NELL1: variants seen among roughly 807,000 people sequenced by gnomAD.
NELL1 encodes protein kinase C-binding protein NELL1.
A neutral mutation model predicts 107.4 loss-of-function variants in NELL1; 76 were observed. The observed-to-expected ratio is 0.71, with a 90% CI of 0.59 to 0.86. NELL1 has a LOEUF of 0.86. NELL1 is among the 40% of genes least tolerant of loss of function. The pLI is 0.00. For synonymous variants in NELL1, 353 were observed against 341.2 expected (o/e 1.03, Z -0.38); for missense variants, 1,024 against 1,005.5 (o/e 1.02, Z -0.25).
At chr11:21,113,060 A>T (rs912950626) in intron 12 of NELL1, among the ~76,000 whole-genome samples, 1 of 152,012 alleles carries the variant, frequency 6.6e-6, no homozygotes, top group African/African-American at 2.4e-5. Flanking sequence ...AGGATGAGAG[A>T]CATTAATTTG....
chr11:21,149,442 T>C (rs184591674), intron 13 of NELL1, among the ~76,000 whole-genome samples: 14 of 152,326 alleles, frequency 9.2e-5, no homozygotes, highest in Admixed American at 2.6e-4. Flanking sequence ...TTTTACATGG[T>C]AGCAGGCAAG....
intron 15 of NELL1, among the ~76,000 whole-genome samples, chr11:21,374,351 G>A (rs1439053771): frequency 6.6e-6 from 1 of 152,006 alleles, no homozygotes; most frequent in Non-Finnish European, 1.5e-5. Flanking sequence ...TTCCAAGATG[G>A]CTCACTCATG....
chr11:21,214,617 A>G (rs1424377859), intron 13 of NELL1, among the ~76,000 whole-genome samples: 1 of 152,198 alleles, frequency 6.6e-6, no homozygotes, highest in Non-Finnish European at 1.5e-5. Context: ...GCCATTCTAG[A>G]AAATCATTTG....
intron 15 of NELL1, among the ~76,000 whole-genome samples, chr11:21,415,166 G>A (rs898273485): frequency 2.6e-5 from 4 of 152,214 alleles, no homozygotes; most frequent in Middle Eastern, 3.4e-3. Flanking sequence ...TCTTATCTCT[G>A]AAAGCACAAA....
At chr11:21,484,923 T>C (rs958703487) in intron 15 of NELL1, among the ~76,000 whole-genome samples, 1 of 152,054 alleles carries the variant, frequency 6.6e-6, no homozygotes, top group Non-Finnish European at 1.5e-5. Context: ...GAGAGAACAC[T>C]GGAATATAAC....
intron 11 of NELL1, among the ~76,000 whole-genome samples, chr11:20,952,784 C>G (rs1851094551): frequency 6.6e-6 from 1 of 152,172 alleles, no homozygotes; most frequent in African/African-American, 2.4e-5. Context: ...CAAAAGGAGG[C>G]ACATTTTCCC....
In NELL1 at chr11:21,186,009, A is replaced by G. The variant is rs563024235; in HGVS notation, c.1427-43323A>G. The stretch of plus-strand genomic sequence containing the variant: ...AGGAGGCTCCTAAGGGCCAGGATGC[A>G]GAAAGGAAGGAAAGATCTCATAGAA... On this transcript the variant is annotated intron_variant, in intron 13 of 19. Coordinates refer to ENST00000357134, the MANE Select transcript of NELL1 (RefSeq NM_006157.5). Among the ~76,000 whole-genome samples the G allele has an allele frequency of 2.6e-4, 40 of 151,932 alleles. 1 individual carries two copies. Among genetic ancestry groups the G allele is most frequent in the African/African-American group, 9.2e-4 (38 of 41,224 alleles).
intron 15 of NELL1, among the ~76,000 whole-genome samples, chr11:21,385,712 C>A (rs2133775174): frequency 6.6e-6 from 1 of 152,042 alleles, no homozygotes. Context: ...GCTGAAAAAA[C>A]TTAAATGGTT....
At chr11:20,735,563 G>A (rs1191842931) in intron 2 of NELL1, among the ~76,000 whole-genome samples, 2 of 152,186 alleles carry the variant, frequency 1.3e-5, no homozygotes, top group African/African-American at 4.8e-5. Context: ...CCTACAATAT[G>A]TGGGGATTAT....
At chr11:21,156,690 G>A (rs935854890) in intron 13 of NELL1, among the ~76,000 whole-genome samples, 12 of 151,802 alleles carry the variant, frequency 7.9e-5, no homozygotes, top group Admixed American at 7.2e-4. Context: ...TTTTTGTCGA[G>A]GTCAAAACTT....
intron 3 of NELL1, among the ~76,000 whole-genome samples, chr11:20,840,834 G>A (rs1454256801): frequency 6.6e-6 from 1 of 152,182 alleles, no homozygotes; most frequent in Non-Finnish European, 1.5e-5. Context: ...TGCCAGATGG[G>A]AGATATTGTG....
At position 21,560,361 on chromosome 11, in the gene NELL1, G is replaced by T. The variant is rs1856820201; in HGVS notation, c.1959G>T (p.Arg653Ser). The part of the protein sequence containing the change: ...NGQVWTLKED[R>S]CSVCSCKDGK... ...AGGTGTGGACCTTGAAAGAAGACAGGTGTTCTGTCTGCTCCTGCAAGGTGA... is the reference window on the plus strand; with the variant it reads ...AGGTGTGGACCTTGAAAGAAGACAGTTGTTCTGTCTGCTCCTGCAAGGTGA... Residue 653 changes from arginine to serine, a missense_variant, in exon 17 of 20, where the codon AGG becomes AGT. Arg to Ser is a moderately radical substitution (Grantham distance 110, BLOSUM62 -1). Coordinates refer to ENST00000357134, the MANE Select transcript of NELL1 (RefSeq NM_006157.5). 3 of 1,594,416 alleles carry T rather than the reference G, an allele frequency of 1.9e-6. No homozygotes were observed. The Admixed American group carries it at 5.3e-5, about 28-fold the overall frequency.
intron 14 of NELL1, among the ~76,000 whole-genome samples, chr11:21,319,243 T>G (rs1010438887): frequency 6.6e-6 from 1 of 151,754 alleles, no homozygotes; most frequent in Non-Finnish European, 1.5e-5. Flanking sequence ...TGACATGATC[T>G]CGGCTCACTG....
intron 12 of NELL1, among the ~76,000 whole-genome samples, chr11:21,087,929 G>T (rs1018149232): frequency 6.6e-6 from 1 of 152,022 alleles, no homozygotes; most frequent in African/African-American, 2.4e-5. Flanking sequence ...TTACTATCTG[G>T]CCCTTTATAA....
In NELL1 at chr11:20,988,373, G is replaced by A. The variant is rs188365738; in HGVS notation, c.1300+27813G>A. 1.4e-3 allele frequency among the ~76,000 whole-genome samples: 204 copies of A among 148,878 alleles called. 1 individual carries two copies. Among genetic ancestry groups the A allele is most frequent in the Middle Eastern group, 3.7e-3 (1 of 270 alleles). On this transcript the variant is annotated intron_variant, in intron 12 of 19. Coordinates refer to ENST00000357134, the MANE Select transcript of NELL1 (RefSeq NM_006157.5). ...TATACATATCTCTATATATACACACGTACATATATATGTGTATATATATAC... is the reference window on the plus strand; with the variant it reads ...TATACATATCTCTATATATACACACATACATATATATGTGTATATATATAC...
intron 15 of NELL1, among the ~76,000 whole-genome samples, chr11:21,382,908 C>A (rs1339659463): frequency 6.6e-6 from 1 of 151,860 alleles, no homozygotes; most frequent in East Asian, 1.9e-4. Flanking sequence ...AATACAAACA[C>A]CACTGTAACT....
At chr11:21,159,228 C>T (rs540830911) in intron 13 of NELL1, among the ~76,000 whole-genome samples, 2 of 152,054 alleles carry the variant, frequency 1.3e-5, no homozygotes, top group Non-Finnish European at 1.5e-5. Context: ...GTCTTGGATC[C>T]GTGAGCTTGT....
chr11:20,919,058 C>G (rs977192289), intron 6 of NELL1, among the ~76,000 whole-genome samples, 194 bp from the exon 7 acceptor site: 11 of 151,686 alleles, frequency 7.3e-5, no homozygotes, highest in African/African-American at 2.2e-4. Context: ...TTTTCCTGTT[C>G]CTTTCTTTTT....
intron 14 of NELL1, among the ~76,000 whole-genome samples, chr11:21,280,141 T>TA (rs1848960649): frequency 6.6e-6 from 1 of 152,208 alleles, no homozygotes; most frequent in African/African-American, 2.4e-5. Context: ...TGGATACCTA[T>TA]CATTATACAT....
Sources: allele counts gnomAD v4.1 joint callset (sites outside exome capture counted in the v4.1 genomes callset), GRCh38; gene constraint gnomAD v4.1.1; transcripts MANE v1.5; gene names NCBI Gene and HGNC (gene_info 2026-07-23, HGNC 2026-07-21).